Variants in GNA14 observed in about 807,000 individuals in gnomAD.
GNA14 encodes G protein subunit alpha 14.
GNA14 carries 50 observed loss-of-function variants against 42.0 expected under a neutral mutation model. The observed-to-expected ratio is 1.19, with a 90% CI of 0.95 to 1.51. GNA14 has a LOEUF of 1.51. GNA14 is among the 40% of genes most tolerant of loss of function. The pLI is 0.00. For missense variants in GNA14, 473 were observed against 446.2 expected, an observed-to-expected ratio of 1.06 and a Z score of -0.54; for synonymous variants, 173 against 163.1, an observed-to-expected ratio of 1.06 and a Z score of -0.46.
intron 2 of GNA14, among the ~76,000 whole-genome samples, chr9:77,462,893 T>A (rs1459447853): frequency 6.6e-6 from 1 of 152,128 alleles, no homozygotes; most frequent in East Asian, 1.9e-4. Flanking sequence ...AGTCACCAAG[T>A]TCCTCCACTA....
chr9:77,497,680 A>G (rs189517988), intron 2 of GNA14, among the ~76,000 whole-genome samples: 8 of 149,710 alleles, frequency 5.3e-5, no homozygotes, highest in African/African-American at 1.3e-4. Context: ...AATTAAGCTG[A>G]CCAAACATAA....
At chr9:77,520,828 A>G (rs902739781) in intron 2 of GNA14, among the ~76,000 whole-genome samples, 4 of 152,210 alleles carry the variant, frequency 2.6e-5, no homozygotes, top group African/African-American at 4.8e-5. Context: ...ATTAGGTTTT[A>G]AAAGCATTTC....
At chr9:77,646,180 C>T (rs1824348788) in intron 1 of GNA14, among the ~76,000 whole-genome samples, 2 of 152,186 alleles carry the variant, frequency 1.3e-5, no homozygotes, top group Admixed American at 6.5e-5. Context: ...TCTTGGGCAC[C>T]CACGGGGACT....
chr9:77,553,523 AC>A, intron 1 of GNA14, among the ~76,000 whole-genome samples: 1 of 152,340 alleles, frequency 6.6e-6, no homozygotes, highest in Admixed American at 6.5e-5. Context: ...AAGGCAATTC[AC>A]AAGAAGAGAA....
chr9:77,601,680 C>G (rs1036742057), intron 1 of GNA14, among the ~76,000 whole-genome samples: 1 of 152,206 alleles, frequency 6.6e-6, no homozygotes, highest in African/African-American at 2.4e-5. Context: ...CCTCGTAGCT[C>G]ACCAAACTGG....
chr9:77,536,831 T>C (rs1027872163), intron 1 of GNA14, among the ~76,000 whole-genome samples: 1 of 152,246 alleles, frequency 6.6e-6, no homozygotes, highest in Non-Finnish European at 1.5e-5. Flanking sequence ...CAATGGGTCA[T>C]GCTAACAAGT....
At chr9:77,466,922 C>T (rs1836245174) in intron 2 of GNA14, among the ~76,000 whole-genome samples, 2 of 151,948 alleles carry the variant, frequency 1.3e-5, no homozygotes, top group Middle Eastern at 3.4e-3. Context: ...GCCCCTGAGT[C>T]AGCATAAACC....
At chr9:77,511,387 G>T (rs1484913533) in intron 2 of GNA14, among the ~76,000 whole-genome samples, 1 of 152,140 alleles carries the variant, frequency 6.6e-6, no homozygotes, top group Non-Finnish European at 1.5e-5. Context: ...GCTCCCTATG[G>T]GTCCCATTCT....
intron 2 of GNA14, among the ~76,000 whole-genome samples, chr9:77,480,003 C>T (rs1782856590): frequency 6.6e-6 from 1 of 152,184 alleles, no homozygotes; most frequent in Non-Finnish European, 1.5e-5. Flanking sequence ...CAAACAGGGA[C>T]AATTTGACTT....
In GNA14 at chr9:77,442,474, G is replaced by A. The variant is rs1443869; in HGVS notation, c.310-7952C>T. Among the ~76,000 whole-genome samples the A allele has an allele frequency of 6.4e-3, 969 of 152,342 alleles. 12 individuals are homozygous for A. The highest frequency in any genetic ancestry group is 0.022 in the African/African-American group (926 of 41,578). On this transcript the variant is annotated intron_variant, in intron 2 of 6. Transcript: ENST00000341700. Reference sequence around the variant, plus strand: ...AAGCAGATGAGCCCTGCAATGGGATGTTTTACTCCTGGGGCTTCTGTCGAC... The same window carrying A: ...AAGCAGATGAGCCCTGCAATGGGATATTTTACTCCTGGGGCTTCTGTCGAC...
intron 1 of GNA14, among the ~76,000 whole-genome samples, chr9:77,602,750 C>T (rs1422667607): frequency 6.6e-6 from 1 of 152,050 alleles, no homozygotes; most frequent in Non-Finnish European, 1.5e-5. Flanking sequence ...ACAACTTTCC[C>T]AATTTAAGAA....
intron 2 of GNA14, among the ~76,000 whole-genome samples, chr9:77,525,383 G>A (rs757288019): frequency 2.6e-5 from 4 of 152,096 alleles, no homozygotes; most frequent in Non-Finnish European, 4.4e-5. Context: ...TTAGCATTCA[G>A]TTCATCCCAG....
chr9:77,615,628 A>G (rs951738555), intron 1 of GNA14, among the ~76,000 whole-genome samples: 8 of 151,542 alleles, frequency 5.3e-5, no homozygotes, highest in African/African-American at 1.9e-4. Context: ...TTGTCTTTTC[A>G]TCAACATGTT....
intron 1 of GNA14, among the ~76,000 whole-genome samples, chr9:77,538,684 T>C (rs1375343085): frequency 3.3e-5 from 5 of 152,202 alleles, no homozygotes; most frequent in African/African-American, 1.2e-4. Context: ...TATTTCTTTA[T>C]AGCTATTGTA....
At chr9:77,552,431 G>A (rs1328636685) in intron 1 of GNA14, among the ~76,000 whole-genome samples, 1 of 152,170 alleles carries the variant, frequency 6.6e-6, no homozygotes, top group Admixed American at 6.5e-5. Flanking sequence ...TTGCTGATGA[G>A]CTTTCCTAAC....
At position 77,565,699 on chromosome 9, in the gene GNA14, C is replaced by T. The variant is rs78157147; in HGVS notation, c.125-36446G>A. Among the ~76,000 whole-genome samples the T allele has an allele frequency of 3.4e-3, 515 of 152,352 alleles. 1 individual carries two copies. The highest frequency in any genetic ancestry group is 0.011 in the African/African-American group (460 of 41,590). On this transcript the variant is annotated intron_variant, in intron 1 of 6. Transcript: ENST00000341700. ...TCTCAAACTCCCTGCCTCGAGTGAT[C>T]CTTCTGCCTTGGCCTCTCAAAGTGC...
intron 1 of GNA14, among the ~76,000 whole-genome samples, chr9:77,585,230 G>A (rs1235178914): frequency 2.6e-5 from 4 of 152,124 alleles, no homozygotes; most frequent in African/African-American, 7.2e-5. Context: ...ATGACCATAG[G>A]AGACCAGAAT....
chr9:77,491,801 T>G (rs1384795509), intron 2 of GNA14, among the ~76,000 whole-genome samples: 1 of 152,196 alleles, frequency 6.6e-6, no homozygotes, highest in East Asian at 1.9e-4. Flanking sequence ...AACTACACAT[T>G]AGACCAAATA....
chr9:77,622,006 A>G (rs180978252), intron 1 of GNA14, among the ~76,000 whole-genome samples: 60 of 152,284 alleles, frequency 3.9e-4, no homozygotes, highest in African/African-American at 1.4e-3. Flanking sequence ...GCTCACCGCA[A>G]TCTTGAATCC....
Sources: gnomAD v4.1 joint callset for allele counts (sites outside exome capture counted in the v4.1 genomes callset) on GRCh38, gnomAD v4.1.1 for gene constraint, MANE v1.5 for transcripts, NCBI Gene and HGNC (gene_info 2026-07-23, HGNC 2026-07-21) for gene names.